Variants in PKHD1 observed in about 807,000 individuals in gnomAD.
The protein encoded by PKHD1 is fibrocystin.
A neutral mutation model predicts 412.0 loss-of-function variants in PKHD1; 291 were observed. The ratio of observed to expected loss-of-function variants is 0.71; its 90% CI spans 0.64 to 0.78. PKHD1 has a LOEUF of 0.78. Ranked by LOEUF, PKHD1 falls within the 30% of genes least tolerant of loss-of-function variation. The pLI, the probability that PKHD1 is intolerant of heterozygous loss-of-function variation, is 0.00. For missense variants in PKHD1, 4,825 were observed against 4,950.7 expected, an observed-to-expected ratio of 0.97 and a Z score of 0.76; for synonymous variants, 1,777 against 1,821.5, an observed-to-expected ratio of 0.98 and a Z score of 0.62.
At chr6:51,845,129 G>T (rs1439820707) in intron 50 of PKHD1, among the ~76,000 whole-genome samples, 3 of 152,178 alleles carry the variant, frequency 2.0e-5, no homozygotes, top group Non-Finnish European at 2.9e-5. Flanking sequence ...TCTTGCTCGG[G>T]TACCAACAAC....
intron 6 of PKHD1, 47 bp downstream of exon 6, chr6:52,076,228 TG>T (rs747486532): frequency 7.3e-7 from 1 of 1,361,506 alleles, no homozygotes; most frequent in Non-Finnish European, 1.1e-6. Context: ...CAACAAGCTT[TG>T]GCAAACAGAT....
rs4715233 is a variant in PKHD1, at chr6:51,791,590, A to G, written c.8303-217T>C. 0.59 allele frequency among the ~76,000 whole-genome samples: 89,265 copies of G among 151,966 alleles called. 26,959 individuals carry two copies. Among genetic ancestry groups the G allele is most frequent in the East Asian group, 0.83 (4,271 of 5,158 alleles). On this transcript the variant is annotated intron_variant, in intron 52 of 66. Transcript: ENST00000371117. ...ATGCTGCAATTGCTTAACATACCAC[A>G]TTCATGGACAAAATGCACTGCTTAT...
intron 33 of PKHD1, among the ~76,000 whole-genome samples, chr6:52,019,365 A>G (rs1050459927): frequency 6.6e-6 from 1 of 152,222 alleles, no homozygotes; most frequent in Non-Finnish European, 1.5e-5. Flanking sequence ...TGTTGCTGTT[A>G]TATTCTAAAG....
At position 51,909,379 on chromosome 6, in the gene PKHD1, G is replaced by A. The variant is rs1285314538; in HGVS notation, c.6586C>T (p.Pro2196Ser). The change falls in exon 40 of 67, where the codon CCC becomes TCC. Residue 2196 changes from proline to serine, a missense_variant. Coordinates refer to ENST00000371117, the MANE Select transcript of PKHD1 (RefSeq NM_138694.4). ...ACTCCCTTCAACTGGACCTGGCTGGGCTCTTCTGGGAAGGACTGAACGATC... is the reference window on the plus strand; with the variant it reads ...ACTCCCTTCAACTGGACCTGGCTGGACTCTTCTGGGAAGGACTGAACGATC... The part of the protein sequence containing the change: ...RVIVQSFPEE[P>S]SQVQLKGVQF... 2.5e-6 allele frequency: 4 copies of A among 1,613,260 alleles called. No homozygotes were observed. Among genetic ancestry groups the A allele is most frequent in the African/African-American group, 1.3e-5 (1 of 74,864 alleles).
At chr6:52,074,966 C>A (rs927465572) in intron 6 of PKHD1, among the ~76,000 whole-genome samples, 13 of 152,190 alleles carry the variant, frequency 8.5e-5, no homozygotes, top group Non-Finnish European at 1.6e-4. Context: ...CAGATCTGGG[C>A]GCCAGCTGAC....
At chr6:51,665,784 T>C (rs946528110) in intron 60 of PKHD1, among the ~76,000 whole-genome samples, 2 of 152,114 alleles carry the variant, frequency 1.3e-5, no homozygotes, top group African/African-American at 4.8e-5. Context: ...GAGAGGCTAA[T>C]GTTGGAGGGA....
chr6:51,930,155 C>T (rs1019834452), intron 37 of PKHD1, among the ~76,000 whole-genome samples: 10 of 152,142 alleles, frequency 6.6e-5, no homozygotes, highest in African/African-American at 2.2e-4. Context: ...CCTGGATTGG[C>T]AGACAGAGTG....
intron 46 of PKHD1, among the ~76,000 whole-genome samples, chr6:51,874,459 G>A (rs868009451): frequency 7.2e-5 from 11 of 152,084 alleles, no homozygotes; most frequent in African/African-American, 2.4e-4. Context: ...GGTAACATTG[G>A]CTGTGAGAGT....
At chr6:52,041,756 G>A (rs1396993629) in intron 27 of PKHD1, among the ~76,000 whole-genome samples, 1 of 152,060 alleles carries the variant, frequency 6.6e-6, no homozygotes, top group Non-Finnish European at 1.5e-5. Context: ...AATTTTCCTA[G>A]GACCAAGTTT....
chr6:51,812,899 C>T (rs1444495031), intron 52 of PKHD1, among the ~76,000 whole-genome samples: 2 of 152,172 alleles, frequency 1.3e-5, no homozygotes, highest in Admixed American at 6.5e-5. Flanking sequence ...CCAGACACTC[C>T]TTTCTATTGA....
chr6:51,874,935 G>C lies in PKHD1; in HGVS notation c.7351-4296C>G, dbSNP rs905991744. Among the ~76,000 whole-genome samples, 7 of 80,532 alleles carry C rather than the reference G, an allele frequency of 8.7e-5. 1 individual carries two copies. Among genetic ancestry groups the C allele is most frequent in the Admixed American group, 6.8e-4 (4 of 5,900 alleles). The allele number at this position is 80,532 out of a possible 152,430, so 52.8% of individuals were successfully genotyped here. ...CGTGCGCGAGCCGAAGCAGGGCGAG[G>C]CATTGCCTCACCTGGGAAGCGCAAG... On this transcript the variant is annotated intron_variant, in intron 46 of 66. Coordinates refer to ENST00000371117, the MANE Select transcript of PKHD1 (RefSeq NM_138694.4).
At chr6:51,969,399 C>T (rs1793318285) in intron 35 of PKHD1, among the ~76,000 whole-genome samples, 1 of 152,070 alleles carries the variant, frequency 6.6e-6, no homozygotes, top group African/African-American at 2.4e-5. Context: ...TGTGCCCAGA[C>T]TTTTTAAAAA....
intron 57 of PKHD1, among the ~76,000 whole-genome samples, 196 bp from the exon 58 acceptor site, chr6:51,748,861 A>C (rs1371818979): frequency 6.6e-6 from 1 of 152,232 alleles, no homozygotes; most frequent in Non-Finnish European, 1.5e-5. Context: ...TAATGCCTGA[A>C]TTGCATGTGC....
At chr6:51,954,076 T>C (rs906377315) in intron 36 of PKHD1, among the ~76,000 whole-genome samples, 4 of 152,232 alleles carry the variant, frequency 2.6e-5, no homozygotes, top group African/African-American at 9.6e-5. Context: ...GTAAATAAAA[T>C]TGTAACTTAA....
At chr6:51,651,869 G>A (rs1771034566) in intron 61 of PKHD1, among the ~76,000 whole-genome samples, 1 of 152,138 alleles carries the variant, frequency 6.6e-6, no homozygotes, top group South Asian at 2.1e-4. Flanking sequence ...GTGACGACGG[G>A]AGTCACCTGA....
chr6:51,673,591 A>G (rs1231015515), intron 60 of PKHD1, among the ~76,000 whole-genome samples: 1 of 152,210 alleles, frequency 6.6e-6, no homozygotes, highest in Non-Finnish European at 1.5e-5. Context: ...AAGAGTTAGG[A>G]TGAAGAAGAG....
At position 51,744,384 on chromosome 6, in the gene PKHD1, C is replaced by T; in HGVS notation, c.10156+1G>A. 1 of 1,613,610 alleles carries T rather than the reference C, an allele frequency of 6.2e-7. No individual in the cohort carries two copies. The highest frequency in any genetic ancestry group is 8.5e-7 in the Non-Finnish European group (1 of 1,179,572). ...AGGCATTGCATTCAGATATAGCTTA[C>T]CTGCGTTGAAGAAGGATGCAGTCCA... On this transcript the variant is annotated splice_donor_variant, in intron 60 of 66. Coordinates refer to ENST00000371117, the MANE Select transcript of PKHD1 (RefSeq NM_138694.4). LOFTEE classifies it high-confidence loss of function.
In PKHD1 at chr6:52,025,810, G is replaced by A. The variant is rs1316319432; in HGVS notation, c.4000C>T (p.Leu1334=). The A allele has an allele frequency of 1.2e-6, 2 of 1,614,216 alleles. No homozygotes were observed. Among genetic ancestry groups the A allele is most frequent in the East Asian group, 2.2e-5 (1 of 44,890 alleles). The change falls in exon 32 of 67, where the codon CTG becomes TTG. Residue 1334 remains leucine, a synonymous_variant. Coordinates refer to ENST00000371117, the MANE Select transcript of PKHD1 (RefSeq NM_138694.4). ...GACTGTGTCTCAACATCACAGTTCA[G>A]GTTCCCCAGAAGGATGACTGAGTTG... The part of the protein sequence containing the change: ...LSNSVILLGN[L]NCDVETQSFQ...
At chr6:51,954,009 C>T (rs1790754916) in intron 36 of PKHD1, among the ~76,000 whole-genome samples, 1 of 152,050 alleles carries the variant, frequency 6.6e-6, no homozygotes, top group Admixed American at 6.6e-5. Context: ...GTCTTTATTA[C>T]CCAGCTAATT....
Sources: gnomAD v4.1 joint callset for allele counts (sites outside exome capture counted in the v4.1 genomes callset) on GRCh38, gnomAD v4.1.1 for gene constraint, MANE v1.5 for transcripts, NCBI Gene and HGNC (gene_info 2026-07-23, HGNC 2026-07-21) for gene names.